Variants in CLSTN1 observed in about 807,000 individuals in gnomAD.
CLSTN1 encodes calsyntenin 1, also known as calsyntenin-1.
In CLSTN1, 28 loss-of-function variants were observed where a neutral mutation model predicts 108.3. The ratio of observed to expected loss-of-function variants is 0.26; its 90% CI spans 0.19 to 0.35. The LOEUF (loss-of-function observed/expected upper bound fraction) is 0.35. Ranked by LOEUF, CLSTN1 falls within the 10% of genes least tolerant of loss-of-function variation. The pLI is 1.00. For synonymous variants in CLSTN1, 524 were observed against 534.9 expected (o/e 0.98, Z 0.28); for missense variants, 1,157 against 1,302.6 (o/e 0.89, Z 1.72).
intron 1 of CLSTN1, chr1:9,780,957 T>G: frequency 1.1e-5 from 5 of 438,960 alleles, no homozygotes; most frequent in Non-Finnish European, 1.2e-5. Context: ...ATCCATCACA[T>G]GAGGTGTGGA....
At chr1:9,776,862 T>TTATCTATCTATCTATCTATCTATC (rs70998308) in intron 1 of CLSTN1, among the ~76,000 whole-genome samples, 1 of 140,020 alleles carries the variant, frequency 7.1e-6, no homozygotes, top group African/African-American at 3.0e-5. Context: ...CTATCAGCAT[T>TTATCTATCTATCTATCTATCTATC]TATCTATCTA....
At position 9,733,529 on chromosome 1, in the gene CLSTN1, T is replaced by C. The variant is rs760317052; in HGVS notation, c.2299A>G (p.Ser767Gly). 38 of 1,613,944 alleles carry C rather than the reference T, an allele frequency of 2.4e-5. No homozygotes were observed. Among genetic ancestry groups the C allele is most frequent in the Middle Eastern group, 1.7e-4 (1 of 6,008 alleles). ...MTFTGVDTMA[S>G]YEEVLHLLRY... Reference sequence around the variant, plus strand: ...AGCAGGTGCAAAACCTCCTCGTAGCTGGCCATGGTGTCCACGCCTGCAGGG... The same window carrying C: ...AGCAGGTGCAAAACCTCCTCGTAGCCGGCCATGGTGTCCACGCCTGCAGGG... The change falls in exon 16 of 19, where the codon AGC (serine) becomes GGC (glycine). Residue 767 changes from serine to glycine, a missense_variant. By Grantham distance (56) the Ser-to-Gly change is moderately conservative. Coordinates refer to ENST00000377298, the MANE Select transcript of CLSTN1 (RefSeq NM_001009566.3).
intron 1 of CLSTN1, among the ~76,000 whole-genome samples, chr1:9,806,108 G>A (rs1437295365): frequency 2.0e-5 from 3 of 151,952 alleles, no homozygotes; most frequent in Non-Finnish European, 4.4e-5. Context: ...TGGCCAACAT[G>A]GCCAAATCCT....
At chr1:9,821,603 G>T (rs1257263279) in intron 1 of CLSTN1, among the ~76,000 whole-genome samples, 1 of 152,128 alleles carries the variant, frequency 6.6e-6, no homozygotes, top group East Asian at 1.9e-4. Flanking sequence ...ATGAACAGGA[G>T]TTCATGTCGT....
chr1:9,734,062 G>T lies in CLSTN1; in HGVS notation c.2191C>A (p.His731Asn). 1 of 1,614,156 alleles carries T rather than the reference G, an allele frequency of 6.2e-7. No individual in the cohort carries two copies. The highest frequency in any genetic ancestry group is 1.1e-5 in the South Asian group (1 of 91,084). Reference protein sequence around the residue: ...EVTVEGEELNHEQESLEVDMA... With the variant: ...EVTVEGEELNNEQESLEVDMA... ...TCCACCTCCAGGCTCTCCTGCTCGT[G>T]GTTCAGCTCCTCTCCCTCCACCGTG... Residue 731 changes from histidine (H) to asparagine (N), a missense_variant, in exon 15 of 19, where the codon CAC becomes AAC. Physicochemically the swap from His to Asn is moderately conservative, Grantham distance 68 (BLOSUM62 1). Transcript: ENST00000377298. This position sits in a 1 kb window ranked among gnomAD's most constrained non-coding sequence, Gnocchi z 4.8.
intron 1 of CLSTN1, among the ~76,000 whole-genome samples, chr1:9,783,730 C>T (rs575098415): frequency 6.6e-4 from 100 of 152,212 alleles, no homozygotes; most frequent in African/African-American, 2.3e-3. Flanking sequence ...CAGTGGCTCA[C>T]GCCTGTAATA....
chr1:9,754,485 G>C (rs1651717484), intron 4 of CLSTN1, among the ~76,000 whole-genome samples: 1 of 152,116 alleles, frequency 6.6e-6, no homozygotes, highest in East Asian at 1.9e-4. Context: ...CTTGAAACCG[G>C]AAGGCGGAGG....
rs184846017 is a variant in CLSTN1, at chr1:9,781,422, G to C, written c.92-8028C>G. On this transcript the variant is annotated intron_variant, in intron 1 of 18. Coordinates refer to ENST00000377298, the MANE Select transcript of CLSTN1 (RefSeq NM_001009566.3). The stretch of plus-strand genomic sequence containing the variant: ...AAGTGGCTTACAGACAGAACTATCA[G>C]ATGTGTTTACATCACATCTTATTCT... Among the ~76,000 whole-genome samples the C allele has an allele frequency of 2.4e-4, 37 of 152,096 alleles. 1 individual carries two copies. Among genetic ancestry groups the C allele is most frequent in the African/African-American group, 8.4e-4 (35 of 41,520 alleles).
rs1227885593 is a variant in CLSTN1, at chr1:9,733,976, G to A, written c.2277C>T (p.Phe759=). 2 of 1,612,338 alleles carry A rather than the reference G, an allele frequency of 1.2e-6. No homozygotes were observed. Among genetic ancestry groups the A allele is most frequent in the Non-Finnish European group, 1.7e-6 (2 of 1,179,066 alleles). The change falls in exon 15 of 19, where the codon TTC becomes TTT. Residue 759 remains phenylalanine (F), a synonymous_variant. Transcript: ENST00000377298. ...EVSSSELGMT[F]TGVDTMASYE... The stretch of plus-strand genomic sequence containing the variant: ...TGGCTGCAGCGCTCCCCTTACCTGT[G>A]AAGGTCATGCCCAGTTCAGAGCTGC...
In CLSTN1 at chr1:9,770,678, T is replaced by C. The variant is rs144065796; in HGVS notation, c.214+2594A>G. Among the ~76,000 whole-genome samples the C allele has an allele frequency of 1.2e-4, 18 of 152,334 alleles. No individual in the cohort carries two copies. In the East Asian group the frequency reaches 3.3e-3, roughly 28 times the overall value. On this transcript the variant is annotated intron_variant, in intron 2 of 18. Transcript: ENST00000377298. Reference sequence around the variant, plus strand: ...AGTACTTAGAGTAGTGCCTGGGACATTGCTATGCATGCTTTATAAGTGCAT... The same window carrying C: ...AGTACTTAGAGTAGTGCCTGGGACACTGCTATGCATGCTTTATAAGTGCAT...
At chr1:9,820,803 A>G (rs1655163503) in intron 1 of CLSTN1, among the ~76,000 whole-genome samples, 1 of 152,156 alleles carries the variant, frequency 6.6e-6, no homozygotes, top group Non-Finnish European at 1.5e-5. Flanking sequence ...ATAAGTAAAC[A>G]ACAAGGCATG....
At chr1:9,805,330 G>A (rs1323101085) in intron 1 of CLSTN1, among the ~76,000 whole-genome samples, 1 of 152,172 alleles carries the variant, frequency 6.6e-6, no homozygotes, top group Non-Finnish European at 1.5e-5. Flanking sequence ...TAGAGCAGCA[G>A]TTATCAGAGC....
intron 15 of CLSTN1, 41 bp from the exon 16 acceptor site, chr1:9,733,587 G>C: frequency 6.2e-7 from 1 of 1,610,912 alleles, no homozygotes; most frequent in Non-Finnish European, 8.5e-7. Context: ...GGTGGCTTAG[G>C]GCAGGAGCAT....
chr1:9,735,113 G>A lies in CLSTN1; in HGVS notation c.1945C>T (p.Gln649Ter), dbSNP rs748307565. 1 of 1,614,252 alleles carries A rather than the reference G, an allele frequency of 6.2e-7. No individual in the cohort carries two copies. Among genetic ancestry groups the A allele is most frequent in the East Asian group, 2.2e-5 (1 of 44,880 alleles). ...PPVDGYVMVL[Q>*]PEEPKISLSG... Reference sequence around the variant, plus strand: ...AGGCTGATCTTGGGCTCCTCGGGCTGTAAAACCATCACGTAGCCATCTACC... The same window carrying A: ...AGGCTGATCTTGGGCTCCTCGGGCTATAAAACCATCACGTAGCCATCTACC... The change falls in exon 14 of 19, where the codon CAG (glutamine) becomes TAG (stop). Residue 649 changes from glutamine (Q) to a stop codon, truncating the protein, a stop_gained. Coordinates refer to ENST00000377298, the MANE Select transcript of CLSTN1 (RefSeq NM_001009566.3). LOFTEE classifies it high-confidence loss of function.
intron 1 of CLSTN1, among the ~76,000 whole-genome samples, chr1:9,785,288 G>A (rs1025894454): frequency 3.3e-5 from 5 of 151,866 alleles, no homozygotes; most frequent in East Asian, 3.9e-4. Context: ...GATTACAGGC[G>A]TGACCCACTG....
At position 9,730,413 on chromosome 1, in the gene CLSTN1, C is replaced by G. The variant is rs536015130; in HGVS notation, c.*95G>C. Reference sequence around the variant, plus strand: ...GGGAGGGGTCTGCACACCTACTGGCCGAAATGACTTTGTACATCGTGGACC... The same window carrying G: ...GGGAGGGGTCTGCACACCTACTGGCGGAAATGACTTTGTACATCGTGGACC... On this transcript the variant is annotated 3_prime_UTR_variant, in exon 19 of 19. Transcript: ENST00000377298. This position sits in a 1 kb window ranked among gnomAD's most constrained non-coding sequence, Gnocchi z 5.6. 13 of 1,236,950 alleles carry G rather than the reference C, an allele frequency of 1.1e-5. No homozygotes were observed. The highest frequency in any genetic ancestry group is 1.5e-5 in the African/African-American group (1 of 67,920). The allele number at this position is 1,236,950 out of a possible 1,614,324, so 76.6% of individuals were successfully genotyped here.
chr1:9,781,239 G>C (rs1570485437), intron 1 of CLSTN1: 1 of 764,204 alleles, frequency 1.3e-6, no homozygotes, highest in Non-Finnish European at 2.3e-6. Context: ...ATGACAAGCT[G>C]ATTTTCTGGG....
chr1:9,735,591 C>T lies in CLSTN1; in HGVS notation c.1759G>A (p.Val587Ile), dbSNP rs765808624. 8 of 1,614,018 alleles carry T rather than the reference C, an allele frequency of 5.0e-6. No individual in the cohort carries two copies. In the South Asian group the frequency reaches 8.8e-5, roughly 18 times the overall value. Residue 587 changes from valine (V) to isoleucine (I), a missense_variant, in exon 13 of 19, where the codon GTA becomes ATA. Transcript: ENST00000377298. Reference sequence around the variant, plus strand: ...AGGTCTTCTCCCTCCAAGGTCAATACCAACTGGCTGGGGTGTGCTTGGATC... The same window carrying T: ...AGGTCTTCTCCCTCCAAGGTCAATATCAACTGGCTGGGGTGTGCTTGGATC... ...VQIQAHPSQLVLTLEGEDLGE... is the reference protein window; with the variant it reads ...VQIQAHPSQLILTLEGEDLGE...
intron 2 of CLSTN1, among the ~76,000 whole-genome samples, chr1:9,758,454 C>T (rs537218298): frequency 6.6e-6 from 1 of 152,152 alleles, no homozygotes; most frequent in African/African-American, 2.4e-5. Context: ...GCTGGGATTA[C>T]AGGCGCCTGC....
Sources: allele counts gnomAD v4.1 joint callset (sites outside exome capture counted in the v4.1 genomes callset), GRCh38; gene constraint gnomAD v4.1.1; non-coding constraint Gnocchi (gnomAD v3.1); transcripts MANE v1.5; gene names NCBI Gene and HGNC (gene_info 2026-07-23, HGNC 2026-07-21).